The following LEF1 variants were observed in gnomAD, a reference collection of about 807,000 sequenced individuals.
The protein encoded by LEF1 is lymphoid enhancer-binding factor 1.
A neutral mutation model predicts 51.2 loss-of-function variants in LEF1; 14 were observed. The observed-to-expected ratio is 0.27, with a 90% CI of 0.18 to 0.43. LEF1 has a LOEUF of 0.43. Among genes scored for constraint, LEF1 ranks in the 20% least tolerant of loss-of-function variants. The pLI, the probability that LEF1 is intolerant of heterozygous loss-of-function variation, is 1.00. For missense variants in LEF1, 386 were observed against 512.0 expected (o/e 0.75, Z 2.37); for synonymous variants, 185 against 183.2 (o/e 1.01, Z -0.08).
intron 4 of LEF1, among the ~76,000 whole-genome samples, chr4:108,087,481 G>A (rs1739726789): frequency 1.3e-5 from 2 of 152,054 alleles, no homozygotes; most frequent in Non-Finnish European, 2.9e-5. Context: ...GCAAAACAAG[G>A]TAGGGTGGCA....
At chr4:108,165,367 C>T in intron 1 of LEF1, 1 of 518,230 alleles carries the variant, frequency 1.9e-6, no homozygotes, top group Non-Finnish European at 3.4e-6. Flanking sequence ...TTATTATCCA[C>T]CCGGGACCAA....
chr4:108,112,150 T>C (rs976143918), intron 3 of LEF1, among the ~76,000 whole-genome samples: 1 of 152,156 alleles, frequency 6.6e-6, no homozygotes, highest in Non-Finnish European at 1.5e-5. Context: ...AGGTCAGGCA[T>C]TGATACACAC....
Position 108,163,653 on chromosome 4 carries a change from C to T in LEF1, c.329G>A (p.Ser110Asn). 1 of 1,613,914 alleles carries T rather than the reference C, an allele frequency of 6.2e-7. No individual in the cohort carries two copies. The highest frequency in any genetic ancestry group is 8.5e-7 in the Non-Finnish European group (1 of 1,179,840). ...GLYNKGPSYSSYSGYIMMPNM... is the reference protein window; with the variant it reads ...GLYNKGPSYSNYSGYIMMPNM... ...TGGCATCATTATGTACCCGGAATAA[C>T]TCGAGTAGGAGGGTCCCTTGTTGTA... The change falls in exon 3 of 12, where the codon AGT becomes AAT. Residue 110 changes from serine (S) to asparagine (N), a missense_variant. Coordinates refer to ENST00000265165, the MANE Select transcript of LEF1 (RefSeq NM_016269.5).
At chr4:108,108,979 C>T (rs1560796242) in intron 3 of LEF1, among the ~76,000 whole-genome samples, 1 of 152,196 alleles carries the variant, frequency 6.6e-6, no homozygotes, top group Non-Finnish European at 1.5e-5. Flanking sequence ...TTCAATAGGT[C>T]TCTCCAGTGT....
rs1268602444 is a variant in LEF1, at chr4:108,168,651, G to C, written c.-884C>G. On this transcript the variant is annotated 5_prime_UTR_variant, in exon 1 of 12. Coordinates refer to ENST00000265165, the MANE Select transcript of LEF1 (RefSeq NM_016269.5). This position sits in a 1 kb window ranked among gnomAD's most constrained non-coding sequence, Gnocchi z 4.6. ...GCCCAAATGCCTCTGCCCGGAGCTC[G>C]AGCCGACACACACACTCAGTCCGAC... is the stretch of plus-strand genomic sequence containing the variant. 1 of 152,252 alleles carries C rather than the reference G, an allele frequency of 6.6e-6. No individual in the cohort carries two copies. The highest frequency in any genetic ancestry group is 1.5e-5 in the Non-Finnish European group (1 of 68,122). The allele number at this position is 152,252 out of a possible 1,614,324, so 9.4% of individuals were successfully genotyped here.
At chr4:108,084,206 C>T (rs1046268180) in intron 4 of LEF1, among the ~76,000 whole-genome samples, 1 of 151,936 alleles carries the variant, frequency 6.6e-6, no homozygotes, top group East Asian at 1.9e-4. Flanking sequence ...ACCCTAGGTA[C>T]AGAAGAAAAA....
At chr4:108,159,571 T>C (rs993477211) in intron 3 of LEF1, among the ~76,000 whole-genome samples, 2 of 152,218 alleles carry the variant, frequency 1.3e-5, no homozygotes, top group Non-Finnish European at 2.9e-5. Context: ...TATCCAACAA[T>C]GTCACGTACA....
intron 3 of LEF1, 68 bp downstream of exon 3, chr4:108,163,500 A>G (rs1560834324): frequency 1.3e-6 from 2 of 1,534,028 alleles, no homozygotes; most frequent in East Asian, 2.3e-5. Context: ...GGAAAAATAA[A>G]CATTCTGCCA....
intron 3 of LEF1, among the ~76,000 whole-genome samples, chr4:108,158,840 T>G (rs1041924190): frequency 1.3e-5 from 2 of 152,166 alleles, no homozygotes; most frequent in East Asian, 3.9e-4. Context: ...TTAAATCACA[T>G]AAGGGTCTCG....
chr4:108,078,515 C>T (rs1376184782), intron 7 of LEF1, 133 bp from the exon 8 acceptor site: 55 of 1,111,654 alleles, frequency 4.9e-5, no homozygotes, highest in Non-Finnish European at 7.2e-5. Context: ...CCCAGACCAC[C>T]ACCAACTTGG....
At chr4:108,081,949 T>C (rs1483214475) in intron 5 of LEF1, among the ~76,000 whole-genome samples, 1 of 152,218 alleles carries the variant, frequency 6.6e-6, no homozygotes, top group Non-Finnish European at 1.5e-5. Flanking sequence ...ACCCCATTAA[T>C]GCTTTGAACA....
chr4:108,102,654 G>A (rs1740905127), intron 3 of LEF1, among the ~76,000 whole-genome samples: 2 of 152,178 alleles, frequency 1.3e-5, no homozygotes, highest in Admixed American at 1.3e-4. Flanking sequence ...TAAGTTCTAT[G>A]CCTTGTATGA....
At chr4:108,065,813 G>A (rs1160535822) in intron 9 of LEF1, among the ~76,000 whole-genome samples, 1 of 152,168 alleles carries the variant, frequency 6.6e-6, no homozygotes, top group Non-Finnish European at 1.5e-5. Flanking sequence ...AATACCTGAT[G>A]CAGGTTGGTC....
chr4:108,057,083 G>C (rs1463102309), intron 11 of LEF1, among the ~76,000 whole-genome samples: 1 of 151,972 alleles, frequency 6.6e-6, no homozygotes, highest in African/African-American at 2.4e-5. Context: ...CCCCTCCCTA[G>C]ATGCAGGCTT....
At chr4:108,165,780 A>T (rs547245416) in intron 1 of LEF1, among the ~76,000 whole-genome samples, 1 of 152,348 alleles carries the variant, frequency 6.6e-6, no homozygotes, top group Non-Finnish European at 1.5e-5. Context: ...GAGTCAGGTT[A>T]TAGACATCTA....
At chr4:108,143,666 C>T (rs115525291) in intron 3 of LEF1, among the ~76,000 whole-genome samples, 1,601 of 152,264 alleles carry the variant, frequency 0.011, 33 homozygotes, top group African/African-American at 0.035. Context: ...CCCCTGCCCC[C>T]GCCTTCTTCA....
intron 9 of LEF1, among the ~76,000 whole-genome samples, chr4:108,067,074 C>T (rs1738128621): frequency 6.6e-6 from 1 of 152,158 alleles, no homozygotes; most frequent in Non-Finnish European, 1.5e-5. Context: ...AGAACAGTAT[C>T]TTTAGATAAA....
chr4:108,090,788 T>C (rs993732859), intron 3 of LEF1, among the ~76,000 whole-genome samples: 12 of 152,202 alleles, frequency 7.9e-5, no homozygotes, highest in Non-Finnish European at 1.5e-4. Context: ...CTACAACTTA[T>C]TCCTTCTATC....
intron 4 of LEF1, among the ~76,000 whole-genome samples, chr4:108,085,236 G>A (rs1299022227): frequency 3.9e-5 from 6 of 152,234 alleles, no homozygotes; most frequent in Admixed American, 1.3e-4. Context: ...ATATAGGCGC[G>A]TGCCACCATG....
Sources: gnomAD v4.1 joint callset for allele counts (sites outside exome capture counted in the v4.1 genomes callset) on GRCh38, gnomAD v4.1.1 for gene constraint, Gnocchi (gnomAD v3.1) non-coding constraint, MANE v1.5 for transcripts, NCBI Gene and HGNC (gene_info 2026-07-23, HGNC 2026-07-21) for gene names.